Variants in PLCG2 observed in about 807,000 individuals in gnomAD.
The protein encoded by PLCG2 is 1-phosphatidylinositol 4,5-bisphosphate phosphodiesterase gamma-2.
PLCG2 carries 69 observed loss-of-function variants against 175.6 expected under a neutral mutation model. That is an observed-to-expected ratio of 0.39 (90% confidence interval 0.32 to 0.48). The LOEUF is 0.48. PLCG2 is among the 20% of genes least tolerant of loss of function. The probability of loss-of-function intolerance (pLI) is 0.91; values close to 1 mark genes in which losing one functional copy is unlikely to be tolerated. For synonymous variants in PLCG2, 827 were observed against 624.0 expected (o/e 1.33, Z -4.85); for missense variants, 1,798 against 1,650.9 (o/e 1.09, Z -1.54).
At chr16:81,951,387 C>T (rs1291380585) in intron 31 of PLCG2, among the ~76,000 whole-genome samples, 1 of 152,096 alleles carries the variant, frequency 6.6e-6, no homozygotes, top group Non-Finnish European at 1.5e-5. Flanking sequence ...GGATGATTAC[C>T]TTAAAGAATG....
intron 2 of PLCG2, among the ~76,000 whole-genome samples, chr16:81,803,905 C>T (rs534191173): frequency 1.3e-5 from 2 of 152,300 alleles, no homozygotes; most frequent in South Asian, 2.1e-4. Flanking sequence ...TAGTCTTGAA[C>T]TCCTGGCCTC....
rs575350995 is a variant in PLCG2, at chr16:81,769,161, C to A, written c.-48+13195C>A. ...TGCCATGTGAGTTTCTCTGCTCCCC[C>A]ACAAAGGAACTCACCATGAGTGATG... On this transcript the variant is annotated intron_variant, in intron 2 of 5. Coordinates refer to the PLCG2 transcript ENST00000565054. Among the ~76,000 whole-genome samples the A allele has an allele frequency of 2.6e-5, 4 of 152,172 alleles. No homozygotes were observed. In the East Asian group the frequency reaches 5.8e-4, roughly 22 times the overall value.
At chr16:81,805,719 A>T (rs1192816877) in intron 2 of PLCG2, among the ~76,000 whole-genome samples, 2 of 148,566 alleles carry the variant, frequency 1.3e-5, no homozygotes, top group African/African-American at 5.0e-5. Context: ...TGCAATGGAA[A>T]TACAGTGTGA....
chr16:81,795,525 G>A (rs948593537), intron 2 of PLCG2, among the ~76,000 whole-genome samples: 2 of 152,194 alleles, frequency 1.3e-5, no homozygotes, highest in African/African-American at 4.8e-5. Flanking sequence ...GTGGGACTCT[G>A]CTGTCTGATC....
chr16:81,887,657 A>G (rs970653663), intron 9 of PLCG2, among the ~76,000 whole-genome samples: 6 of 152,134 alleles, frequency 3.9e-5, no homozygotes, highest in African/African-American at 1.4e-4. Flanking sequence ...ATTGTTTCGG[A>G]CATTGCATCC....
chr16:81,749,105 C>A (rs1909757971), intron 1 of PLCG2, among the ~76,000 whole-genome samples: 1 of 152,132 alleles, frequency 6.6e-6, no homozygotes, highest in African/African-American at 2.4e-5. Context: ...CAGGAAACAG[C>A]AGTCTAGGAT....
chr16:81,958,760 G>A lies in PLCG2; in HGVS notation c.*762G>A, dbSNP rs1221400562. On this transcript the variant is annotated 3_prime_UTR_variant, in exon 33 of 33. Transcript: ENST00000564138. ...CTCTGCCAGCTGCTGGGAGGCTCTG[G>A]CCCCACTAGTCCCTCATGGCCCTAC... is the stretch of plus-strand genomic sequence containing the variant. The A allele has an allele frequency of 1.4e-5, 3 of 221,148 alleles. No homozygotes were observed. Among genetic ancestry groups the A allele is most frequent in the Non-Finnish European group, 2.7e-5 (3 of 110,462 alleles). The allele number at this position is 221,148 out of a possible 1,614,324, so 13.7% of individuals were successfully genotyped here. A position where few individuals can be genotyped will look rare whatever the true frequency, so the allele number is the denominator to read the frequency against.
chr16:81,771,605 C>G (rs1410025022), intron 2 of PLCG2, among the ~76,000 whole-genome samples: 1 of 152,076 alleles, frequency 6.6e-6, no homozygotes, highest in African/African-American at 2.4e-5. Flanking sequence ...CCTGCTGTCT[C>G]CCCATTGAGA....
chr16:81,950,233 A>G (rs1310337333), intron 31 of PLCG2, among the ~76,000 whole-genome samples: 2 of 152,218 alleles, frequency 1.3e-5, no homozygotes, highest in Non-Finnish European at 2.9e-5. Context: ...CAAGGTAAAT[A>G]AAACAAATAG....
At chr16:81,867,359 C>A (rs11645253) in intron 5 of PLCG2, among the ~76,000 whole-genome samples, 1 of 152,120 alleles carries the variant, frequency 6.6e-6, no homozygotes, top group African/African-American at 2.4e-5. Context: ...CTTGACCCAC[C>A]CACCCCACTA....
chr16:81,948,492 G>A (rs538388869), intron 31 of PLCG2, among the ~76,000 whole-genome samples: 9 of 152,164 alleles, frequency 5.9e-5, no homozygotes, highest in Non-Finnish European at 1.2e-4. Context: ...TGCAAGGGGT[G>A]GAGAGGCCCT....
chr16:81,851,373 T>C (rs1906400477), intron 2 of PLCG2, among the ~76,000 whole-genome samples: 1 of 152,172 alleles, frequency 6.6e-6, no homozygotes, highest in African/African-American at 2.4e-5. Flanking sequence ...ATACACTCCG[T>C]TTTCTTGTTA....
At chr16:81,893,547 A>G (rs750849086) in intron 11 of PLCG2, among the ~76,000 whole-genome samples, 162 bp from the exon 12 acceptor site, 5 of 152,174 alleles carry the variant, frequency 3.3e-5, no homozygotes, top group Non-Finnish European at 7.3e-5. Flanking sequence ...GGGATTGTGT[A>G]TTTCTGTCCT....
chr16:81,873,553 GTT>G (rs71712849), intron 7 of PLCG2, among the ~76,000 whole-genome samples: 7 of 146,272 alleles, frequency 4.8e-5, no homozygotes, highest in African/African-American at 1.2e-4. Context: ...GCAAATAACA[GTT>G]TTTTTTTTTT....
chr16:81,953,121 C>A (rs1373071451), intron 31 of PLCG2, among the ~76,000 whole-genome samples: 1 of 152,156 alleles, frequency 6.6e-6, no homozygotes, highest in East Asian at 1.9e-4. Context: ...TACAAAATAA[C>A]TGACTAGTAT....
chr16:81,942,325 T>C (rs1354100031), intron 30 of PLCG2, among the ~76,000 whole-genome samples: 2 of 152,208 alleles, frequency 1.3e-5, no homozygotes, highest in African/African-American at 4.8e-5. Flanking sequence ...CTTGGAGATT[T>C]GGAAAAAACA....
At chr16:81,749,821 T>C (rs1909770818) in intron 1 of PLCG2, among the ~76,000 whole-genome samples, 1 of 152,192 alleles carries the variant, frequency 6.6e-6, no homozygotes, top group South Asian at 2.1e-4. Flanking sequence ...TGTTCAAGGA[T>C]ACATGTCCAA....
At chr16:81,929,045 C>A (rs1910394150) in intron 24 of PLCG2, among the ~76,000 whole-genome samples, 1 of 152,252 alleles carries the variant, frequency 6.6e-6, no homozygotes, top group Non-Finnish European at 1.5e-5. Flanking sequence ...CCTGTCACTT[C>A]TCCTCTTTGA....
At chr16:81,891,145 A>G (rs1366091605) in intron 10 of PLCG2, among the ~76,000 whole-genome samples, 1 of 152,222 alleles carries the variant, frequency 6.6e-6, no homozygotes, top group Non-Finnish European at 1.5e-5. Flanking sequence ...CCTGGGCAAC[A>G]GAGCATGACT....
Sources: gnomAD v4.1 joint callset for allele counts (sites outside exome capture counted in the v4.1 genomes callset) on GRCh38, gnomAD v4.1.1 for gene constraint, MANE v1.5 for transcripts, NCBI Gene and HGNC (gene_info 2026-07-23, HGNC 2026-07-21) for gene names.